The following HEATR4 variants were observed in gnomAD, a reference collection of about 807,000 sequenced individuals.
The protein encoded by HEATR4 is HEAT repeat-containing protein 4.
In HEATR4, 95 loss-of-function variants were observed where a neutral mutation model predicts 108.8. That is an observed-to-expected ratio of 0.87 (90% CI 0.74 to 1.04). HEATR4 has a LOEUF of 1.04. Ranked by LOEUF, HEATR4 falls within the 50% of genes least tolerant of loss-of-function variation. HEATR4 has a pLI of 0.00. For missense variants in HEATR4, 1,152 were observed against 1,253.8 expected, an observed-to-expected ratio of 0.92 and a Z score of 1.23; for synonymous variants, 443 against 459.4, an observed-to-expected ratio of 0.96 and a Z score of 0.46.
the HEATR4 span, among the ~76,000 whole-genome samples, chr14:73,598,125 G>A: frequency 6.8e-6 from 1 of 147,524 alleles, no homozygotes; most frequent in Non-Finnish European, 1.5e-5. Context: ...TGTAATCCCA[G>A]CACTTTGGGA....
chr14:73,565,932 C>G, the HEATR4 span, among the ~76,000 whole-genome samples: 3 of 152,086 alleles, frequency 2.0e-5, no homozygotes, highest in Non-Finnish European at 4.4e-5. Context: ...TGGCCCCACT[C>G]ACATCCTGCT....
chr14:73,491,623 G>C, intron 17 of HEATR4: 1 of 1,547,788 alleles, frequency 6.5e-7, no homozygotes. Flanking sequence ...GGCGGCGAGC[G>C]GCCCGCCTCT....
intron 5 of HEATR4, among the ~76,000 whole-genome samples, chr14:73,515,703 C>T (rs1300067642): frequency 7.7e-6 from 1 of 129,922 alleles, no homozygotes; most frequent in African/African-American, 2.9e-5. Flanking sequence ...AAAAAAGAGT[C>T]CTGTGAGACT....
chr14:73,572,567 T>C, the HEATR4 span, among the ~76,000 whole-genome samples: 10 of 149,058 alleles, frequency 6.7e-5, no homozygotes, highest in African/African-American at 1.5e-4. Context: ...CACAGGGGTC[T>C]GTGGGACGTT....
chr14:73,592,372 C>G, the HEATR4 span: 7 of 1,570,114 alleles, frequency 4.5e-6, no homozygotes, highest in East Asian at 4.7e-5. Context: ...CGGCGCCAGT[C>G]GGTGCGAGCG....
chr14:73,624,929 G>A, the HEATR4 span, among the ~76,000 whole-genome samples: 1 of 152,250 alleles, frequency 6.6e-6, no homozygotes, highest in African/African-American at 2.4e-5. Context: ...TTTTCCACAA[G>A]TTAAAGGTCT....
chr14:73,569,163 G>A, the HEATR4 span: 1 of 1,543,230 alleles, frequency 6.5e-7, no homozygotes, highest in Non-Finnish European at 8.8e-7. Flanking sequence ...TGATCGGCTG[G>A]ACTCTGGCCT....
chr14:73,598,457 GA>G, the HEATR4 span, among the ~76,000 whole-genome samples: 1 of 152,076 alleles, frequency 6.6e-6, no homozygotes, highest in East Asian at 1.9e-4. Flanking sequence ...ATGAACTTGT[GA>G]CTGTTTCAGT....
chr14:73,512,706 G>C (rs117397160), intron 6 of HEATR4, among the ~76,000 whole-genome samples: 1 of 152,020 alleles, frequency 6.6e-6, no homozygotes, highest in Non-Finnish European at 1.5e-5. Context: ...TGTCTTTGAG[G>C]GCACTTCCAT....
At chr14:73,579,263 A>AT in the HEATR4 span, among the ~76,000 whole-genome samples, 1 of 74,446 alleles carries the variant, frequency 1.3e-5, no homozygotes, top group Non-Finnish European at 2.3e-5. Context: ...TCTCAAAAAA[A>AT]TTAAAAAAAA....
the HEATR4 span, chr14:73,569,276 A>G: frequency 6.2e-7 from 1 of 1,613,780 alleles, no homozygotes; most frequent in Middle Eastern, 1.6e-4. Flanking sequence ...ACCCCCATTC[A>G]GTTGTTCTCA....
chr14:73,506,924 C>T (rs937920793), intron 9 of HEATR4, among the ~76,000 whole-genome samples: 1 of 150,610 alleles, frequency 6.6e-6, no homozygotes, highest in Non-Finnish European at 1.5e-5. Flanking sequence ...CCTCAGCCTC[C>T]CAAGTAGCTG....
At chr14:73,514,000 G>A (rs773525130) in intron 6 of HEATR4, 31 bp downstream of exon 6, 36 of 1,601,978 alleles carry the variant, frequency 2.2e-5, no homozygotes, top group East Asian at 4.5e-5. Context: ...TCTCACAAAC[G>A]TACAGTATCA....
chr14:73,592,316 G>A, the HEATR4 span: 6 of 1,609,828 alleles, frequency 3.7e-6, no homozygotes, highest in African/African-American at 4.0e-5. Context: ...CTGGACGGCT[G>A]CTGTGCCAGG....
chr14:73,491,117 T>G, intron 17 of HEATR4: 1 of 1,606,860 alleles, frequency 6.2e-7, no homozygotes, highest in Non-Finnish European at 8.5e-7. Context: ...GGCCCTGCCC[T>G]TGAGGTCCAG....
chr14:73,584,254 T>A, the HEATR4 span, among the ~76,000 whole-genome samples: 1 of 151,744 alleles, frequency 6.6e-6, no homozygotes, highest in Non-Finnish European at 1.5e-5. Context: ...CGGTCAGGTC[T>A]CTTCCAAGTG....
Position 73,496,791 on chromosome 14 carries a change from CTG to C in HEATR4, c.2547-114_2547-113del, listed in dbSNP as rs751825688. On this transcript the variant is annotated intron_variant, in intron 14 of 17. Coordinates refer to ENST00000553558, the MANE Select transcript of HEATR4 (RefSeq NM_001220484.1). Reference sequence around the variant, plus strand: ...TAAGAATCCCAAGTTCCAATCCTAACTGTGCAGTTTTGCTGAGCCTTATATGC... The same window carrying C: ...TAAGAATCCCAAGTTCCAATCCTAACTGCAGTTTTGCTGAGCCTTATATGC... 3.9e-5 allele frequency: 26 copies of C among 670,748 alleles called. No homozygotes were observed. In the Admixed American group the frequency reaches 5.1e-4, roughly 13 times the overall value. The allele number at this position is 670,748 out of a possible 1,614,324, so 41.5% of individuals were successfully genotyped here.
At chr14:73,606,595 T>C in the HEATR4 span, among the ~76,000 whole-genome samples, 2 of 152,182 alleles carry the variant, frequency 1.3e-5, no homozygotes, top group African/African-American at 4.8e-5. Flanking sequence ...GGTGAACCCA[T>C]TGGGTGGTTA....
At chr14:73,604,331 A>AT in the HEATR4 span, among the ~76,000 whole-genome samples, 1 of 149,312 alleles carries the variant, frequency 6.7e-6, no homozygotes, top group Non-Finnish European at 1.5e-5. Context: ...TGCCTGGCTA[A>AT]TTTTTGTAAT....
Sources: gnomAD v4.1 joint callset for allele counts (sites outside exome capture counted in the v4.1 genomes callset) on GRCh38, gnomAD v4.1.1 for gene constraint, MANE v1.5 for transcripts, NCBI Gene and HGNC (gene_info 2026-07-23, HGNC 2026-07-21) for gene names.